The following CDH23 variants were observed in gnomAD, a reference collection of about 807,000 sequenced individuals.
The protein encoded by CDH23 is cadherin related 23.
In CDH23, 189 loss-of-function variants were observed where a neutral mutation model predicts 317.1. That is an observed-to-expected ratio of 0.60 (90% confidence interval 0.53 to 0.67). The LOEUF (loss-of-function observed/expected upper bound fraction) is 0.67. Ranked by LOEUF, CDH23 falls within the 30% of genes least tolerant of loss-of-function variation. CDH23 has a pLI of 0.00. For synonymous variants in CDH23, 1,839 were observed against 1,876.8 expected (o/e 0.98, Z 0.52); for missense variants, 4,401 against 4,592.4 (o/e 0.96, Z 1.20).
intron 6 of CDH23, among the ~76,000 whole-genome samples, chr10:71,547,579 C>T (rs369269713): frequency 4.6e-5 from 7 of 152,310 alleles, no homozygotes; most frequent in Non-Finnish European, 7.3e-5. Context: ...GCATTCATAG[C>T]GCCACGGGGG....
At chr10:71,738,009 C>T (rs1589387509) in intron 34 of CDH23, among the ~76,000 whole-genome samples, 1 of 152,234 alleles carries the variant, frequency 6.6e-6, no homozygotes, top group Non-Finnish European at 1.5e-5. Context: ...CAAACAAAGA[C>T]ACCTTCGGGC....
intron 40 of CDH23, 42 bp downstream of exon 40, chr10:71,778,350 G>T (rs1490135764): frequency 1.2e-6 from 2 of 1,611,926 alleles, no homozygotes; most frequent in Non-Finnish European, 1.7e-6. Flanking sequence ...CTTGGAGGTT[G>T]GCGAAGGATG....
At chr10:71,764,438 C>T (rs1264295466) in intron 38 of CDH23, among the ~76,000 whole-genome samples, 1 of 152,168 alleles carries the variant, frequency 6.6e-6, no homozygotes, top group Non-Finnish European at 1.5e-5. Flanking sequence ...AGCCCACAGG[C>T]CACATCCAGC....
At chr10:71,796,279 G>A (rs143489093) in intron 48 of CDH23, among the ~76,000 whole-genome samples, 1 of 152,322 alleles carries the variant, frequency 6.6e-6, no homozygotes, top group African/African-American at 2.4e-5. Flanking sequence ...ACGCAGCACT[G>A]AGGTCAGCCA....
intron 38 of CDH23, chr10:71,761,486 A>C (rs1840382709): frequency 3.4e-5 from 43 of 1,264,724 alleles, no homozygotes; most frequent in Non-Finnish European, 4.4e-5. Context: ...CTGGAGTGCC[A>C]GTGTTACCCA....
At chr10:71,740,716 G>GCCCT in intron 36 of CDH23, 106 bp from the exon 37 acceptor site, 1 of 1,491,276 alleles carries the variant, frequency 6.7e-7, no homozygotes, top group Non-Finnish European at 9.1e-7. Context: ...GAGTCTCTTT[G>GCCCT]CCCTCCCAAA....
chr10:71,630,452 A>T (rs114020638), intron 11 of CDH23, among the ~76,000 whole-genome samples: 3,128 of 152,306 alleles, frequency 0.021, 107 homozygotes, highest in African/African-American at 0.071. Flanking sequence ...AGGAGCGGTC[A>T]GCCGCTGGAT....
intron 1 of CDH23, among the ~76,000 whole-genome samples, chr10:71,428,607 G>A (rs144176250): frequency 1.0e-3 from 152 of 147,572 alleles, no homozygotes; most frequent in African/African-American, 3.6e-3. Flanking sequence ...TTTTTTAATC[G>A]AGATGGAGTC....
At chr10:71,691,074 G>C (rs894424370) in intron 20 of CDH23, among the ~76,000 whole-genome samples, 4 of 152,108 alleles carry the variant, frequency 2.6e-5, no homozygotes, top group Non-Finnish European at 5.9e-5. Context: ...CACACGAAAA[G>C]TGCTAAAAAA....
intron 38 of CDH23, among the ~76,000 whole-genome samples, chr10:71,756,667 TG>T (rs1384941509): frequency 1.3e-5 from 2 of 152,204 alleles, no homozygotes; most frequent in Non-Finnish European, 2.9e-5. Context: ...GGAGTTTAGC[TG>T]GGAACAGACG....
Position 71,751,868 on chromosome 10 carries a change from C to A in CDH23, c.4845+9947C>A. ...TTCAATCCCTTGAATGTTGCTGCCA[C>A]AGAACCAGAATGGAAGGTCATCTGT... On this transcript the variant is annotated intron_variant, in intron 38 of 69. Coordinates refer to ENST00000224721, the MANE Select transcript of CDH23 (RefSeq NM_022124.6). This position sits in a 1 kb window ranked among gnomAD's most constrained non-coding sequence, Gnocchi z 4.9. 1 of 1,540,862 alleles carries A rather than the reference C, an allele frequency of 6.5e-7. No homozygotes were observed. Among genetic ancestry groups the A allele is most frequent in the Non-Finnish European group, 8.8e-7 (1 of 1,141,838 alleles).
intron 2 of CDH23, among the ~76,000 whole-genome samples, chr10:71,440,264 A>G (rs569582448): frequency 6.6e-6 from 1 of 152,258 alleles, no homozygotes; most frequent in South Asian, 2.1e-4. Flanking sequence ...TACTGTTTGC[A>G]CTGTGTGTGA....
intron 26 of CDH23, among the ~76,000 whole-genome samples, chr10:71,708,276 T>G (rs1453372647): frequency 2.6e-5 from 4 of 151,970 alleles, no homozygotes; most frequent in African/African-American, 9.7e-5. Flanking sequence ...CACCCCAGAG[T>G]GGTGGGCTCC....
At chr10:71,507,747 G>A (rs1432688690) in intron 3 of CDH23, among the ~76,000 whole-genome samples, 5 of 152,244 alleles carry the variant, frequency 3.3e-5, no homozygotes, top group South Asian at 2.1e-4. Flanking sequence ...CTTCCTGTTC[G>A]TTTTAGTATA....
chr10:71,442,655 G>A (rs1442902524), intron 2 of CDH23, among the ~76,000 whole-genome samples: 1 of 152,152 alleles, frequency 6.6e-6, no homozygotes, highest in African/African-American at 2.4e-5. Flanking sequence ...TTGTTGGGGA[G>A]GCAGGAAGCG....
At chr10:71,725,176 G>A (rs1215293426) in intron 29 of CDH23, among the ~76,000 whole-genome samples, 196 bp from the exon 30 acceptor site, 2 of 152,204 alleles carry the variant, frequency 1.3e-5, no homozygotes, top group Non-Finnish European at 2.9e-5. Flanking sequence ...AACGCATTGG[G>A]GATGGCCTGT....
chr10:71,399,638 T>A (rs1847691931), intron 1 of CDH23, among the ~76,000 whole-genome samples: 1 of 152,024 alleles, frequency 6.6e-6, no homozygotes, highest in Non-Finnish European at 1.5e-5. Context: ...AGTGGTGAAC[T>A]CCTATAGTCC....
rs367771516 is a variant in CDH23, at chr10:71,732,315, C to T, written c.4044C>T (p.Tyr1348=). The T allele has an allele frequency of 2.7e-5, 44 of 1,604,952 alleles. No homozygotes were observed. The highest frequency in any genetic ancestry group is 3.7e-5 in the Non-Finnish European group (44 of 1,175,502). Residue 1348 remains tyrosine (Y), a synonymous_variant, in exon 32 of 70, where the codon TAC becomes TAT. Transcript: ENST00000224721. The part of the protein sequence containing the change: ...YSIDNLNQIT[Y]RFNAYTSTQA... ...TCGACAACCTCAACCAAATCACGTACCGCTTCAACGCCTACACCAGCACCC... is the reference window on the plus strand; with the variant it reads ...TCGACAACCTCAACCAAATCACGTATCGCTTCAACGCCTACACCAGCACCC...
rs2132705562 is a variant in CDH23, at chr10:71,690,469, A to G, written c.2061A>G (p.Gly687=). 1 of 1,596,430 alleles carries G rather than the reference A, an allele frequency of 6.3e-7. No individual in the cohort carries two copies. Among genetic ancestry groups the G allele is most frequent in the Non-Finnish European group, 8.5e-7 (1 of 1,171,042 alleles). ...GCCCCCACCTTTTTCCCCCTGAAGG[A>G]GCCACGGTGCTGTTCCTGAATGCCA... ...FVSVVENIMA[G]ATVLFLNATD... is the part of the protein sequence containing the mutation. Residue 687 remains glycine, a splice_region_variant and synonymous_variant, in exon 20 of 70, where the codon GGA becomes GGG. Coordinates refer to ENST00000224721, the MANE Select transcript of CDH23 (RefSeq NM_022124.6).
Sources: allele counts gnomAD v4.1 joint callset (sites outside exome capture counted in the v4.1 genomes callset), GRCh38; gene constraint gnomAD v4.1.1; non-coding constraint Gnocchi (gnomAD v3.1); transcripts MANE v1.5; gene names NCBI Gene and HGNC (gene_info 2026-07-23, HGNC 2026-07-21).